The following CBLN2 variants were observed in gnomAD, a reference collection of about 807,000 sequenced individuals.
CBLN2 encodes cerebellin-2.
Under a neutral mutation model 15.0 loss-of-function variants are expected in CBLN2, and 7 were observed. The ratio of observed to expected loss-of-function variants is 0.47; its 90% CI spans 0.27 to 0.88. The LOEUF (loss-of-function observed/expected upper bound fraction) is 0.88, where lower values mean the gene tolerates loss of function less well. Ranked by LOEUF, CBLN2 falls within the 40% of genes least tolerant of loss-of-function variation. The pLI is 0.14. For missense variants in CBLN2, 242 were observed against 304.5 expected (o/e 0.79, Z 1.53); for synonymous variants, 149 against 135.2 (o/e 1.10, Z -0.71).
intron 1 of CBLN2, among the ~76,000 whole-genome samples, chr18:72,628,141 A>G (rs1247183473): frequency 6.6e-6 from 1 of 152,218 alleles, no homozygotes; most frequent in Non-Finnish European, 1.5e-5. Flanking sequence ...TCCTGCCTGT[A>G]GAAGACTCCA....
chr18:72,625,978 G>T (rs1477747966), intron 1 of CBLN2, among the ~76,000 whole-genome samples: 2 of 151,422 alleles, frequency 1.3e-5, no homozygotes, highest in Non-Finnish European at 2.9e-5. Context: ...CATATTTTCA[G>T]TGTCCATTTC....
intron 1 of CBLN2, among the ~76,000 whole-genome samples, chr18:72,615,176 T>C (rs1346653394): frequency 1.5e-5 from 2 of 129,600 alleles, no homozygotes; most frequent in African/African-American, 5.6e-5. Context: ...TAAATATATA[T>C]TTATATATTA....
In CBLN2 at chr18:72,615,056, T is replaced by A. The variant is rs542953262; in HGVS notation, c.15+23269A>T. Among the ~76,000 whole-genome samples, 348 of 137,754 alleles carry A rather than the reference T, an allele frequency of 2.5e-3. 4 individuals are homozygous for A. Among genetic ancestry groups the A allele is most frequent in the South Asian group, 0.025 (116 of 4,658 alleles). 90.4% of individuals were successfully genotyped at this position (137,754 alleles called of 152,430 possible). Reference sequence around the variant, plus strand: ...AAGTACATATATATATATATATATATAAATATATATATTTATATATTATAG... The same window carrying A: ...AAGTACATATATATATATATATATAAAAATATATATATTTATATATTATAG... On this transcript the variant is annotated intron_variant, in intron 1 of 2. Coordinates refer to the CBLN2 transcript ENST00000581073.
chr18:72,544,877 A>C (rs574995152), upstream of CBLN2, among the ~76,000 whole-genome samples: 20 of 151,492 alleles, frequency 1.3e-4, no homozygotes, highest in African/African-American at 4.8e-4. Flanking sequence ...AAAACAATCA[A>C]TATTTAAATC....
Position 72,542,029 on chromosome 18 carries a change from G to A in CBLN2, c.132C>T (p.Pro44=). ...VALALLLLLL[P]ACCPVRAQND... ...TCTGCGCCCGCACGGGGCAGCAGGC[G>A]GGCAGTAGCAGCAACAGCAGGGCCA... Residue 44 remains proline (P), a synonymous_variant, in exon 3 of 5, where the codon CCC becomes CCT. Transcript: ENST00000269503. 6.3e-7 allele frequency: 1 copy of A among 1,593,886 alleles called. No homozygotes were observed. Among genetic ancestry groups the A allele is most frequent in the Non-Finnish European group, 8.5e-7 (1 of 1,177,258 alleles).
In CBLN2 at chr18:72,570,282, G is replaced by GT. The variant is rs34368162; in HGVS notation, c.16-31511dup. 2.6e-3 allele frequency among the ~76,000 whole-genome samples: 347 copies of GT among 133,732 alleles called. 1 individual carries two copies. Among genetic ancestry groups the GT allele is most frequent in the Middle Eastern group, 0.012 (3 of 252 alleles). The allele number at this position is 133,732 out of a possible 152,430, so 87.7% of individuals were successfully genotyped here. On this transcript the variant is annotated intron_variant, in intron 1 of 2. Transcript: ENST00000581073. ...GCACTGTTTTCTTCCTTTCTTTCTG[G>GT]TTTTTTTTTTTTTTTTTTTCCCGCG...
rs74523279 is a variant in CBLN2 at position 72,603,842 on chromosome 18, C to A, written c.15+34483G>T. ...AAAAACAGAAAAAATACATGGAATA[C>A]ACATGTAAAGTAGCATAATGCTTCA... is the stretch of plus-strand genomic sequence containing the variant. On this transcript the variant is annotated intron_variant, in intron 1 of 2. Transcript: ENST00000581073. Among the ~76,000 whole-genome samples, 803 of 152,230 alleles carry A rather than the reference C, an allele frequency of 5.3e-3. 6 individuals are homozygous for A. The highest frequency in any genetic ancestry group is 0.018 in the African/African-American group (763 of 41,540).
At chr18:72,617,135 T>TG (rs1331042864) in intron 1 of CBLN2, among the ~76,000 whole-genome samples, 2 of 152,202 alleles carry the variant, frequency 1.3e-5, no homozygotes, top group Non-Finnish European at 2.9e-5. Flanking sequence ...CTCACACATC[T>TG]TAATACATGT....
At chr18:72,564,575 T>C (rs2069282149) in intron 1 of CBLN2, among the ~76,000 whole-genome samples, 1 of 152,178 alleles carries the variant, frequency 6.6e-6, no homozygotes, top group Non-Finnish European at 1.5e-5. Context: ...ACTGATTTAA[T>C]GATTTATTAA....
chr18:72,569,112 C>T (rs1470542260), intron 1 of CBLN2, among the ~76,000 whole-genome samples: 3 of 152,218 alleles, frequency 2.0e-5, no homozygotes, highest in East Asian at 1.9e-4. Context: ...CCACCGGAGT[C>T]GTTACCACAG....
chr18:72,580,941 C>T (rs1199679230), intron 1 of CBLN2, among the ~76,000 whole-genome samples: 2 of 152,186 alleles, frequency 1.3e-5, no homozygotes, highest in Non-Finnish European at 2.9e-5. Flanking sequence ...TGCCCTCAGC[C>T]TCCTTAGTAC....
At chr18:72,604,017 C>T (rs2069566846) in intron 1 of CBLN2, among the ~76,000 whole-genome samples, 1 of 152,180 alleles carries the variant, frequency 6.6e-6, no homozygotes, top group Non-Finnish European at 1.5e-5. Flanking sequence ...TCTTGACTCT[C>T]AACTTGCGTC....
chr18:72,539,675 GAA>G (rs2069094248), intron 3 of CBLN2: 5 of 152,166 alleles, frequency 3.3e-5, no homozygotes, highest in Admixed American at 3.3e-4. Flanking sequence ...TTCATAAGCA[GAA>G]TTTCAAGAGT....
intron 1 of CBLN2, among the ~76,000 whole-genome samples, chr18:72,626,183 A>G (rs2069738330): frequency 6.6e-6 from 1 of 152,066 alleles, no homozygotes; most frequent in Non-Finnish European, 1.5e-5. Flanking sequence ...AAATTGGTAC[A>G]AGGCACTGGG....
At chr18:72,588,263 A>G (rs1233522072) in intron 1 of CBLN2, among the ~76,000 whole-genome samples, 2 of 152,232 alleles carry the variant, frequency 1.3e-5, no homozygotes, top group African/African-American at 2.4e-5. Context: ...ATCAGTTGAT[A>G]CTGACCTCCA....
At chr18:72,582,701 GCCCA>G (rs1053528969) in intron 1 of CBLN2, among the ~76,000 whole-genome samples, 1 of 152,108 alleles carries the variant, frequency 6.6e-6, no homozygotes, top group Non-Finnish European at 1.5e-5. Context: ...AAGAGCAGGG[GCCCA>G]CATACCCAAG....
chr18:72,616,980 T>A (rs994957045), intron 1 of CBLN2, among the ~76,000 whole-genome samples: 2 of 152,188 alleles, frequency 1.3e-5, no homozygotes, highest in Non-Finnish European at 2.9e-5. Context: ...AGTCCTAATC[T>A]GATTGGCTTA....
At chr18:72,589,467 G>A (rs752859189) in intron 1 of CBLN2, among the ~76,000 whole-genome samples, 4 of 152,164 alleles carry the variant, frequency 2.6e-5, no homozygotes, top group Non-Finnish European at 5.9e-5. Flanking sequence ...GATACAGTTA[G>A]CATACCACAT....
intron 1 of CBLN2, among the ~76,000 whole-genome samples, chr18:72,627,982 T>C (rs1338502785): frequency 6.6e-6 from 1 of 152,212 alleles, no homozygotes; most frequent in Non-Finnish European, 1.5e-5. Flanking sequence ...ACTGTCCCAT[T>C]CTTTGCATTT....
Sources: gnomAD v4.1 joint callset for allele counts (sites outside exome capture counted in the v4.1 genomes callset) on GRCh38, gnomAD v4.1.1 for gene constraint, MANE v1.5 for transcripts, NCBI Gene and HGNC (gene_info 2026-07-23, HGNC 2026-07-21) for gene names.